Variants in GPR107 observed in about 807,000 individuals in gnomAD.
GPR107 encodes G protein-coupled receptor 107.
In GPR107, 31 loss-of-function variants were observed where a neutral mutation model predicts 75.5. That is an observed-to-expected ratio of 0.41 (90% CI 0.31 to 0.55). GPR107 has a LOEUF of 0.55. Ranked by LOEUF, GPR107 falls within the 20% of genes least tolerant of loss-of-function variation. The pLI, the probability that GPR107 is intolerant of heterozygous loss-of-function variation, is 0.26. For synonymous variants in GPR107, 267 were observed against 251.3 expected (o/e 1.06, Z -0.59); for missense variants, 572 against 665.7 (o/e 0.86, Z 1.55).
intron 14 of GPR107, among the ~76,000 whole-genome samples, chr9:130,115,046 ATAATCACTGAGTGCAT>A (rs1831388604): frequency 6.6e-6 from 1 of 152,228 alleles, no homozygotes; most frequent in African/African-American, 2.4e-5. Flanking sequence ...AAGAGGAGAA[ATAATCACTGAGTGCAT>A]CATGGCTGCA....
intron 6 of GPR107, 78 bp downstream of exon 6, chr9:130,083,680 G>A (rs1830544698): frequency 2.6e-6 from 2 of 767,172 alleles, no homozygotes; most frequent in Non-Finnish European, 4.0e-6. Context: ...ATGTGTGTGT[G>A]TGTATTGATA....
At chr9:130,131,975 G>A (rs568259366) in intron 17 of GPR107, among the ~76,000 whole-genome samples, 5 of 152,122 alleles carry the variant, frequency 3.3e-5, no homozygotes, top group African/African-American at 4.8e-5. Flanking sequence ...TGAGCTCCCC[G>A]GGCTCAGGCA....
intron 14 of GPR107, among the ~76,000 whole-genome samples, chr9:130,119,793 A>G (rs1360546605): frequency 6.6e-6 from 1 of 151,154 alleles, no homozygotes; most frequent in Non-Finnish European, 1.5e-5. Context: ...TGGCATCACG[A>G]CTGGTGGGTT....
chr9:130,063,501 T>C (rs1829983228), intron 1 of GPR107, among the ~76,000 whole-genome samples: 2 of 152,164 alleles, frequency 1.3e-5, no homozygotes, highest in Non-Finnish European at 2.9e-5. Flanking sequence ...TAACATGCTT[T>C]TTAAATTATT....
At chr9:130,131,974 C>T (rs1019298288) in intron 17 of GPR107, among the ~76,000 whole-genome samples, 15 of 152,176 alleles carry the variant, frequency 9.9e-5, no homozygotes, top group South Asian at 2.1e-4. Flanking sequence ...TTGAGCTCCC[C>T]GGGCTCAGGC....
intron 6 of GPR107, among the ~76,000 whole-genome samples, chr9:130,085,753 G>GTTTTTTTTTTTTTT (rs1189602398): frequency 2.2e-4 from 7 of 32,252 alleles, no homozygotes; most frequent in Admixed American, 4.5e-4. Context: ...GCAATATTTT[G>GTTTTTTTTTTTTTT]ATTTTTTTTT....
chr9:130,062,413 C>T (rs1450190120), intron 1 of GPR107, among the ~76,000 whole-genome samples: 2 of 91,782 alleles, frequency 2.2e-5, no homozygotes, highest in African/African-American at 8.3e-5. Flanking sequence ...GACCCTGTCT[C>T]GAAAATGATA....
chr9:130,071,679 TTTTTG>T (rs1830215567), intron 1 of GPR107, among the ~76,000 whole-genome samples: 1 of 151,896 alleles, frequency 6.6e-6, no homozygotes, highest in South Asian at 2.1e-4. Context: ...ATTATTACTA[TTTTTG>T]TTTTGTTTTG....
intron 15 of GPR107, 95 bp from the exon 16 acceptor site, chr9:130,127,388 T>C: frequency 1.4e-6 from 1 of 724,502 alleles, no homozygotes; most frequent in East Asian, 2.5e-5. Context: ...TGATTCTGTT[T>C]TCTGTTTCCT....
chr9:130,104,563 CAG>C lies in GPR107; in HGVS notation c.1262+14_1262+15del, dbSNP rs1393672399. ...TCCCAGTGGTGTGGTGAGTAGCTCA[CAG>C]GGAGGGAGGCCACATGACAGCTTGG... On this transcript the variant is annotated intron_variant, in intron 13 of 17. Transcript: ENST00000347136. 6.2e-7 allele frequency: 1 copy of C among 1,611,540 alleles called. No individual in the cohort carries two copies. Among genetic ancestry groups the C allele is most frequent in the African/African-American group, 1.3e-5 (1 of 74,998 alleles).
Position 130,092,130 on chromosome 9 carries a change from A to G in GPR107, c.730-118A>G, listed in dbSNP as rs552290376. The G allele has an allele frequency of 5.2e-5, 42 of 804,110 alleles. No homozygotes were observed. In the East Asian group the frequency reaches 1.0e-3, roughly 19 times the overall value. The allele number at this position is 804,110 out of a possible 1,614,324, so 49.8% of individuals were successfully genotyped here. A position where few individuals can be genotyped will look rare whatever the true frequency, so the allele number is the denominator to read the frequency against. ...GCTGAGATTACAGGTGTGAGCCACC[A>G]TGCCCAGCCACTGGTACTTACTTTC... On this transcript the variant is annotated intron_variant, in intron 8 of 17. Coordinates refer to ENST00000347136, the MANE Select transcript of GPR107 (RefSeq NM_020960.5).
chr9:130,099,327 A>G, intron 9 of GPR107, 130 bp from the exon 10 acceptor site: 1 of 604,030 alleles, frequency 1.7e-6, no homozygotes, highest in Admixed American at 2.9e-5. Flanking sequence ...AAAAAAAAAA[A>G]AGTTTCATGT....
Position 130,135,291 on chromosome 9 carries a change from A to C in GPR107, c.*170A>C. On this transcript the variant is annotated 3_prime_UTR_variant, in exon 18 of 18. Coordinates refer to ENST00000347136, the MANE Select transcript of GPR107 (RefSeq NM_020960.5). ...GAAACCTGATTTTGTACTCTCTTTT[A>C]TGGAAACGATCTGTGGCTGTTTAGA... 2.2e-6 allele frequency: 1 copy of C among 460,418 alleles called. No individual in the cohort carries two copies. The highest frequency in any genetic ancestry group is 3.8e-5 in the East Asian group (1 of 26,124). The allele number at this position is 460,418 out of a possible 1,614,324, so 28.5% of individuals were successfully genotyped here. A position where few individuals can be genotyped will look rare whatever the true frequency, so the allele number is the denominator to read the frequency against.
At chr9:130,060,125 C>T (rs1459377928) in intron 1 of GPR107, among the ~76,000 whole-genome samples, 4 of 146,290 alleles carry the variant, frequency 2.7e-5, no homozygotes, top group East Asian at 4.2e-4. Flanking sequence ...TGCAGTGGCG[C>T]GATCTCGGCT....
chr9:130,059,108 G>T (rs1314637323), intron 1 of GPR107, among the ~76,000 whole-genome samples: 2 of 152,128 alleles, frequency 1.3e-5, no homozygotes, highest in African/African-American at 4.8e-5. Flanking sequence ...TTCCAAAGTG[G>T]CTCTACCATT....
rs147959292 is a variant in GPR107, at chr9:130,127,805, C to T, written c.1440+239C>T. Among the ~76,000 whole-genome samples, 1,991 of 152,256 alleles carry T rather than the reference C, an allele frequency of 0.013. 55 individuals carry two copies. Among genetic ancestry groups the T allele is most frequent in the African/African-American group, 0.045 (1,866 of 41,542 alleles). ...GCAACCTCCACCTCCCGGGTTCAAGCGATTCTCCTGCCTCAGCCTCCTGAG... is the reference window on the plus strand; with the variant it reads ...GCAACCTCCACCTCCCGGGTTCAAGTGATTCTCCTGCCTCAGCCTCCTGAG... On this transcript the variant is annotated intron_variant, in intron 16 of 17. Transcript: ENST00000347136.
chr9:130,111,271 G>T (rs1413192509), intron 14 of GPR107, among the ~76,000 whole-genome samples: 1 of 152,060 alleles, frequency 6.6e-6, no homozygotes, highest in Admixed American at 6.5e-5. Context: ...TTTTAGACCA[G>T]CCTGGGTGAC....
At chr9:130,100,797 T>A in intron 11 of GPR107, 95 bp downstream of exon 11, 5 of 880,640 alleles carry the variant, frequency 5.7e-6, no homozygotes, top group Non-Finnish European at 9.5e-6. Flanking sequence ...AGCCCTGCCC[T>A]CCTGTGGCAG....
At chr9:130,057,139 G>C (rs1564655443) in intron 1 of GPR107, among the ~76,000 whole-genome samples, 1 of 151,870 alleles carries the variant, frequency 6.6e-6, no homozygotes, top group Non-Finnish European at 1.5e-5. Context: ...TCAGATTAGA[G>C]ACCCATAATG....
Sources: gnomAD v4.1 joint callset for allele counts (sites outside exome capture counted in the v4.1 genomes callset) on GRCh38, gnomAD v4.1.1 for gene constraint, MANE v1.5 for transcripts, NCBI Gene and HGNC (gene_info 2026-07-23, HGNC 2026-07-21) for gene names.